Variants in TMEM273 observed in about 807,000 individuals in gnomAD.
TMEM273 encodes the protein transmembrane protein 273, also known as chromosome 10 open reading frame 128.
TMEM273 carries 19 observed loss-of-function variants against 17.9 expected under a neutral mutation model. That is an observed-to-expected ratio of 1.06 (90% CI 0.74 to 1.55). The LOEUF (loss-of-function observed/expected upper bound fraction) is 1.55. Ranked by LOEUF, TMEM273 falls within the 40% of genes most tolerant of loss-of-function variation. TMEM273 has a pLI of 0.00. For missense variants in TMEM273, 194 were observed against 155.6 expected (o/e 1.25, Z -1.31); for synonymous variants, 66 against 62.0 (o/e 1.07, Z -0.31).
chr10:49,167,766 G>A lies in TMEM273; in HGVS notation c.97+143C>T, dbSNP rs550785538. The A allele has an allele frequency of 4.0e-6, 4 of 1,004,490 alleles. 1 individual carries two copies. The highest frequency in any genetic ancestry group is 4.8e-5 in the East Asian group (2 of 41,344). The allele number at this position is 1,004,490 out of a possible 1,614,324, so 62.2% of individuals were successfully genotyped here. On this transcript the variant is annotated intron_variant, in intron 2 of 6. Transcript: ENST00000374153. ...CGAAATAAAGCTGTCAGCTGCTCTG[G>A]GGGACCTGGAGGTGAGGGTGCCCCT...
intron 5 of TMEM273, among the ~76,000 whole-genome samples, chr10:49,164,365 C>T (rs2132128800): frequency 6.6e-6 from 1 of 152,302 alleles, no homozygotes; most frequent in African/African-American, 2.4e-5. Flanking sequence ...ATTGCCTCCA[C>T]CTGGACTTAC....
chr10:49,181,907 T>C (rs547945620), intron 1 of TMEM273, among the ~76,000 whole-genome samples: 3 of 152,314 alleles, frequency 2.0e-5, no homozygotes, highest in East Asian at 1.9e-4. Context: ...AGACAAACTA[T>C]AGACTAAGAA....
At chr10:49,171,052 C>T (rs527476417) in intron 1 of TMEM273, among the ~76,000 whole-genome samples, 2 of 152,330 alleles carry the variant, frequency 1.3e-5, no homozygotes, top group East Asian at 3.9e-4. Context: ...CCACGAGGAC[C>T]AGCAGGAACT....
At chr10:49,161,769 G>T in intron 5 of TMEM273, 147 bp from the exon 6 acceptor site, 1 of 957,256 alleles carries the variant, frequency 1.0e-6, no homozygotes, top group Non-Finnish European at 1.6e-6. Flanking sequence ...ACTCCATCTA[G>T]TGTTAGTTTT....
At chr10:49,161,706 T>A in intron 5 of TMEM273, 84 bp from the exon 6 acceptor site, 1 of 1,551,616 alleles carries the variant, frequency 6.4e-7, no homozygotes, top group Non-Finnish European at 8.9e-7. Context: ...AGAGAGTGGC[T>A]TGCTTGTCAT....
chr10:49,168,149 G>A (rs1846318294), intron 1 of TMEM273, among the ~76,000 whole-genome samples, 187 bp from the exon 2 acceptor site: 1 of 152,138 alleles, frequency 6.6e-6, no homozygotes, highest in Admixed American at 6.5e-5. Flanking sequence ...ACTCAGACCA[G>A]GAACGCGTCT....
chr10:49,177,042 G>A lies in TMEM273; in HGVS notation c.44-9080C>T, dbSNP rs192903711. On this transcript the variant is annotated intron_variant, in intron 1 of 6. Transcript: ENST00000374153. ...GGGAGGTGCAGCCCTGCTGCCTGCC[G>A]CCAGGGGAGGCAGGGTCAGATGGGT... 1.1e-4 allele frequency among the ~76,000 whole-genome samples: 17 copies of A among 152,284 alleles called. No homozygotes were observed. The East Asian group carries it at 2.5e-3, about 23-fold the overall frequency.
At chr10:49,164,032 T>C (rs1228767485) in intron 5 of TMEM273, among the ~76,000 whole-genome samples, 1 of 152,106 alleles carries the variant, frequency 6.6e-6, no homozygotes, top group Non-Finnish European at 1.5e-5. Flanking sequence ...AACTGGAGGG[T>C]GAGACTGGGC....
At chr10:49,155,985 A>G in intron 6 of TMEM273, 76 bp from the exon 7 acceptor site, 3 of 1,611,926 alleles carry the variant, frequency 1.9e-6, no homozygotes, top group South Asian at 1.1e-5. Context: ...TGTTTATGCA[A>G]TTCACACAAT....
chr10:49,184,982 T>C (rs981925418), intron 1 of TMEM273, among the ~76,000 whole-genome samples: 3 of 152,200 alleles, frequency 2.0e-5, no homozygotes, highest in African/African-American at 4.8e-5. Flanking sequence ...TTCAGTATGC[T>C]ATGGCGGATT....
Position 49,155,208 on chromosome 10 carries a change from C to T in TMEM273, c.*684G>A, listed in dbSNP as rs1275772605. The T allele has an allele frequency of 6.6e-6, 1 of 152,592 alleles. No homozygotes were observed. Among genetic ancestry groups the T allele is most frequent in the East Asian group, 1.9e-4 (1 of 5,210 alleles). The allele number at this position is 152,592 out of a possible 1,614,324, so 9.5% of individuals were successfully genotyped here. On this transcript the variant is annotated 3_prime_UTR_variant, in exon 7 of 7. Coordinates refer to ENST00000374153, the MANE Select transcript of TMEM273 (RefSeq NM_001288740.3). ...GACATTCATGGCCCTCTGCAAGGCA[C>T]AGCATCTGCTTTCTCATTTGGTCCT...
Position 49,166,871 on chromosome 10 carries a change from C to T in TMEM273, c.236G>A (p.Ser79Asn), listed in dbSNP as rs1315312086. ...GGCCCGAGCACCACATCCCTCACCA[C>T]TGAGGCCCCCAGGCGTGCTTTTCAG... The part of the protein sequence containing the change: ...SDLKSTPGGL[S>N]DTIPLKKRAP... Residue 79 changes from serine (S) to asparagine (N), a missense_variant and splice_region_variant, in exon 3 of 7, where the codon AGT (serine) becomes AAT (asparagine). Ser to Asn is a conservative substitution (Grantham distance 46, BLOSUM62 1). Coordinates refer to ENST00000374153, the MANE Select transcript of TMEM273 (RefSeq NM_001288740.3). 1 of 1,613,678 alleles carries T rather than the reference C, an allele frequency of 6.2e-7. No homozygotes were observed.
At chr10:49,186,517 C>T (rs1422969483) in intron 1 of TMEM273, among the ~76,000 whole-genome samples, 2 of 152,156 alleles carry the variant, frequency 1.3e-5, no homozygotes, top group African/African-American at 2.4e-5. Context: ...ATAAATGAGT[C>T]CCCTCATATC....
At chr10:49,182,993 G>A (rs1847443157) in intron 1 of TMEM273, among the ~76,000 whole-genome samples, 1 of 152,054 alleles carries the variant, frequency 6.6e-6, no homozygotes, top group African/African-American at 2.4e-5. Flanking sequence ...AAAAAAGGTG[G>A]GGTTTGAAAG....
chr10:49,175,427 C>T (rs1028626002), intron 1 of TMEM273, among the ~76,000 whole-genome samples: 1 of 152,214 alleles, frequency 6.6e-6, no homozygotes, highest in Non-Finnish European at 1.5e-5. Context: ...GAGGCCACCC[C>T]AGGCTGAGAT....
rs563978236 is a variant in TMEM273, at chr10:49,173,733, G to A, written c.44-5771C>T. Among the ~76,000 whole-genome samples, 11 of 152,342 alleles carry A rather than the reference G, an allele frequency of 7.2e-5. No homozygotes were observed. The South Asian group carries it at 1.2e-3, about 17-fold the overall frequency. Reference sequence around the variant, plus strand: ...CTGGACTCTTCTCCTGGGGGATGCCGAGAAAGGTGGATGGGAGAAGTCTGA... The same window carrying A: ...CTGGACTCTTCTCCTGGGGGATGCCAAGAAAGGTGGATGGGAGAAGTCTGA... On this transcript the variant is annotated intron_variant, in intron 1 of 6. Coordinates refer to ENST00000374153, the MANE Select transcript of TMEM273 (RefSeq NM_001288740.3).
At chr10:49,163,904 A>G (rs1201404648) in intron 5 of TMEM273, among the ~76,000 whole-genome samples, 1 of 152,182 alleles carries the variant, frequency 6.6e-6, no homozygotes, top group Non-Finnish European at 1.5e-5. Flanking sequence ...ATGAGGGCTG[A>G]TGAGTCATGA....
intron 5 of TMEM273, among the ~76,000 whole-genome samples, chr10:49,162,729 G>A (rs1180042437): frequency 1.3e-5 from 2 of 152,146 alleles, no homozygotes; most frequent in African/African-American, 4.8e-5. Flanking sequence ...AGGCCACATG[G>A]TGCCAGGGTC....
At chr10:49,156,703 G>A (rs1845533146) in intron 6 of TMEM273, among the ~76,000 whole-genome samples, 2 of 152,246 alleles carry the variant, frequency 1.3e-5, no homozygotes, top group South Asian at 4.1e-4. Context: ...ACAGCAGGAA[G>A]GCGGGACAGA....
Sources: gnomAD v4.1 joint callset for allele counts (sites outside exome capture counted in the v4.1 genomes callset) on GRCh38, gnomAD v4.1.1 for gene constraint, MANE v1.5 for transcripts, NCBI Gene and HGNC (gene_info 2026-07-23, HGNC 2026-07-21) for gene names.